RBFOX1: variants seen among roughly 807,000 people sequenced by gnomAD.
RBFOX1 encodes the protein RNA binding protein fox-1 homolog 1.
RBFOX1 carries 8 observed loss-of-function variants against 57.7 expected under a neutral mutation model. That is an observed-to-expected ratio of 0.14 (90% CI 0.08 to 0.25). RBFOX1 has a LOEUF of 0.25. Ranked by LOEUF, RBFOX1 falls within the 10% of genes least tolerant of loss-of-function variation. The pLI is 1.00. For missense variants in RBFOX1, 611 were observed against 548.5 expected, an observed-to-expected ratio of 1.11 and a Z score of -1.14; for synonymous variants, 326 against 222.4, an observed-to-expected ratio of 1.47 and a Z score of -4.15.
chr16:6,882,719 G>C (rs1464581509), intron 3 of RBFOX1, among the ~76,000 whole-genome samples: 3 of 152,130 alleles, frequency 2.0e-5, no homozygotes, highest in Admixed American at 2.0e-4. Context: ...TTTGGAGTCT[G>C]ACATAACCAA....
At position 6,886,779 on chromosome 16, in the gene RBFOX1, AAAAC is replaced by A. The variant is rs1323403466; in HGVS notation, c.-15-165274_-15-165271del. Among the ~76,000 whole-genome samples the A allele has an allele frequency of 5.3e-3, 776 of 146,124 alleles. 10 individuals are homozygous for A. Among genetic ancestry groups the A allele is most frequent in the African/African-American group, 0.019 (717 of 38,362 alleles). ...GAAAAAAACAAAAACAAAACAAAAC[AAAAC>A]AAAAAAAAAACCAGAAAAAAAAAGA... On this transcript the variant is annotated intron_variant, in intron 3 of 15. Transcript: ENST00000550418.
At chr16:5,751,583 G>A (rs2053206741) in intron 3 of RBFOX1, among the ~76,000 whole-genome samples, 1 of 152,160 alleles carries the variant, frequency 6.6e-6, no homozygotes, top group African/African-American at 2.4e-5. Context: ...AGAGGGCAAG[G>A]AAGCCACCTA....
At chr16:6,867,266 G>C (rs1388355788) in intron 3 of RBFOX1, among the ~76,000 whole-genome samples, 1 of 151,478 alleles carries the variant, frequency 6.6e-6, no homozygotes, top group Non-Finnish European at 1.5e-5. Flanking sequence ...TTTCCTTTCT[G>C]ATGAGCATGG....
At chr16:6,883,116 T>C (rs1603636272) in intron 3 of RBFOX1, among the ~76,000 whole-genome samples, 3 of 152,198 alleles carry the variant, frequency 2.0e-5, no homozygotes, top group East Asian at 1.9e-4. Context: ...GGCTACAGTA[T>C]ATATCAAGCA....
intron 1 of RBFOX1, among the ~76,000 whole-genome samples, chr16:6,116,811 C>A (rs1352556834): frequency 6.6e-6 from 1 of 151,700 alleles, no homozygotes; most frequent in Non-Finnish European, 1.5e-5. Context: ...CATGGGACAG[C>A]AGAGAAGAGA....
chr16:7,090,715 G>A (rs2060690320), intron 4 of RBFOX1, among the ~76,000 whole-genome samples: 1 of 152,200 alleles, frequency 6.6e-6, no homozygotes, highest in African/African-American at 2.4e-5. Flanking sequence ...ACCATTGGCT[G>A]ACTTCCGGGC....
intron 3 of RBFOX1, among the ~76,000 whole-genome samples, chr16:5,755,931 G>C (rs1378669174): frequency 6.6e-6 from 1 of 152,134 alleles, no homozygotes; most frequent in East Asian, 1.9e-4. Flanking sequence ...GCATAATGAA[G>C]AGAGGGAAGT....
At chr16:7,471,287 A>C (rs2061509907) in intron 4 of RBFOX1, among the ~76,000 whole-genome samples, 2 of 152,230 alleles carry the variant, frequency 1.3e-5, no homozygotes, top group Admixed American at 1.3e-4. Flanking sequence ...TTTCCAACAG[A>C]ACTGCAATCT....
At chr16:6,931,352 C>G (rs1274010249) in intron 3 of RBFOX1, among the ~76,000 whole-genome samples, 1 of 149,554 alleles carries the variant, frequency 6.7e-6, no homozygotes, top group Non-Finnish European at 1.5e-5. Context: ...CACACACACA[C>G]ACACACACAC....
intron 1 of RBFOX1, among the ~76,000 whole-genome samples, chr16:6,133,456 G>A (rs1391556665): frequency 6.6e-6 from 1 of 152,142 alleles, no homozygotes; most frequent in East Asian, 1.9e-4. Context: ...TGCCTCTTGG[G>A]ATGGCACCAT....
chr16:7,700,491 A>AAAATCTC (rs1568546825), intron 14 of RBFOX1, among the ~76,000 whole-genome samples: 2 of 151,988 alleles, frequency 1.3e-5, no homozygotes, highest in African/African-American at 2.4e-5. Context: ...AAGGGTATTG[A>AAAATCTC]AAATCTCATA....
At chr16:6,836,656 G>C (rs1484774637) in intron 3 of RBFOX1, among the ~76,000 whole-genome samples, 1 of 152,188 alleles carries the variant, frequency 6.6e-6, no homozygotes, top group African/African-American at 2.4e-5. Context: ...CTTCGGGGGT[G>C]ACAGTTCCTT....
chr16:5,981,749 G>A (rs1596338290), intron 4 of RBFOX1, among the ~76,000 whole-genome samples: 1 of 152,166 alleles, frequency 6.6e-6, no homozygotes, highest in South Asian at 2.1e-4. Context: ...GATTGTAGGT[G>A]TGAGCCGCTG....
At chr16:5,359,302 C>G (rs1023937376) in intron 1 of RBFOX1, among the ~76,000 whole-genome samples, 1 of 152,236 alleles carries the variant, frequency 6.6e-6, no homozygotes, top group African/African-American at 2.4e-5. Flanking sequence ...CCTTGATATA[C>G]TGGTCTCCTT....
intron 11 of RBFOX1, among the ~76,000 whole-genome samples, chr16:7,640,461 C>G (rs563997173): frequency 6.6e-6 from 1 of 152,296 alleles, no homozygotes; most frequent in Admixed American, 6.5e-5. Flanking sequence ...CCCCAAACAT[C>G]TTATTTGTCT....
intron 2 of RBFOX1, among the ~76,000 whole-genome samples, chr16:6,448,327 T>A (rs2094528939): frequency 6.6e-6 from 1 of 151,698 alleles, no homozygotes; most frequent in African/African-American, 2.4e-5. Flanking sequence ...ACCCAGCTAA[T>A]TTTTTTATTT....
At chr16:6,209,681 A>G (rs891416946) in intron 1 of RBFOX1, among the ~76,000 whole-genome samples, 13 of 152,210 alleles carry the variant, frequency 8.5e-5, no homozygotes, top group African/African-American at 3.1e-4. Context: ...AGCTAAGCAC[A>G]GACTGTCTGA....
chr16:6,741,736 A>G (rs1252723244), intron 3 of RBFOX1, among the ~76,000 whole-genome samples: 5 of 152,146 alleles, frequency 3.3e-5, no homozygotes, highest in East Asian at 1.9e-4. Context: ...AAGAAAAGCT[A>G]TAATGTGGAA....
At chr16:5,327,318 C>A (rs907690530) in intron 1 of RBFOX1, among the ~76,000 whole-genome samples, 7 of 152,266 alleles carry the variant, frequency 4.6e-5, no homozygotes, top group Non-Finnish European at 1.0e-4. Context: ...GGAGAGAAGC[C>A]TTGGGGAATC....
Sources: allele counts gnomAD v4.1 joint callset (sites outside exome capture counted in the v4.1 genomes callset), GRCh38; gene constraint gnomAD v4.1.1; transcripts MANE v1.5; gene names NCBI Gene and HGNC (gene_info 2026-07-23, HGNC 2026-07-21).